Variants in PMEPA1 observed in about 807,000 individuals in gnomAD.
PMEPA1 encodes the protein protein TMEPAI.
PMEPA1 carries 11 observed loss-of-function variants against 23.0 expected under a neutral mutation model. That is an observed-to-expected ratio of 0.48 (90% CI 0.30 to 0.79). The LOEUF is 0.79. Ranked by LOEUF, PMEPA1 falls within the 30% of genes least tolerant of loss-of-function variation. The probability of loss-of-function intolerance (pLI) is 0.06; values close to 1 mark genes in which losing one functional copy is unlikely to be tolerated. For missense variants in PMEPA1, 377 were observed against 390.9 expected (o/e 0.96, Z 0.30); for synonymous variants, 204 against 166.4 (o/e 1.23, Z -1.74).
chr20:57,686,972 T>C (rs1480062081), intron 1 of PMEPA1, among the ~76,000 whole-genome samples: 1 of 152,274 alleles, frequency 6.6e-6, no homozygotes, highest in African/African-American at 2.4e-5. Context: ...ATGGGCTATG[T>C]CAGAGGACTG....
chr20:57,701,506 G>A (rs980080386), intron 1 of PMEPA1, among the ~76,000 whole-genome samples: 16 of 152,164 alleles, frequency 1.1e-4, no homozygotes, highest in African/African-American at 3.4e-4. Flanking sequence ...CAACTGGAGC[G>A]GGTGCAGGGG....
chr20:57,667,114 C>T (rs1458555393), intron 1 of PMEPA1, among the ~76,000 whole-genome samples: 1 of 152,200 alleles, frequency 6.6e-6, no homozygotes, highest in Non-Finnish European at 1.5e-5. Context: ...CCAGCTGTGT[C>T]TTTGGTGCAG....
intron 1 of PMEPA1, among the ~76,000 whole-genome samples, chr20:57,706,138 A>G (rs1341469086): frequency 6.6e-6 from 1 of 152,156 alleles, no homozygotes; most frequent in Non-Finnish European, 1.5e-5. Flanking sequence ...ATACCACCAG[A>G]GATGGGCCCA....
chr20:57,657,985 G>A (rs905859098), intron 2 of PMEPA1, among the ~76,000 whole-genome samples: 15 of 152,178 alleles, frequency 9.9e-5, no homozygotes, highest in Admixed American at 9.2e-4. Flanking sequence ...CCTGCCCCAC[G>A]TGGTTGAGTT....
At chr20:57,674,980 T>G (rs898727702) in intron 1 of PMEPA1, among the ~76,000 whole-genome samples, 1 of 152,228 alleles carries the variant, frequency 6.6e-6, no homozygotes, top group African/African-American at 2.4e-5. Flanking sequence ...CTGACCACAG[T>G]GAACGTGCAG....
chr20:57,654,792 G>A (rs1202740903), intron 2 of PMEPA1, among the ~76,000 whole-genome samples: 1 of 152,148 alleles, frequency 6.6e-6, no homozygotes, highest in African/African-American at 2.4e-5. Flanking sequence ...GTAGCAGGAG[G>A]GCTGGCGAGC....
chr20:57,683,125 G>A lies in PMEPA1; in HGVS notation c.110-23428C>T, dbSNP rs1025586912. ...CTTAAGCTCAGATCTCCCTGAGCAG[G>A]TAGAGGCTGCTCACGTTAGAGGGCA... is the stretch of plus-strand genomic sequence containing the variant. On this transcript the variant is annotated intron_variant, in intron 1 of 3. Transcript: ENST00000341744. This position sits in a 1 kb window ranked among gnomAD's most constrained non-coding sequence, Gnocchi z 4.3. Among the ~76,000 whole-genome samples the A allele has an allele frequency of 6.6e-6, 1 of 152,218 alleles. No homozygotes were observed. The highest frequency in any genetic ancestry group is 2.4e-5 in the African/African-American group (1 of 41,452).
At chr20:57,696,481 T>C (rs2071944374) in intron 1 of PMEPA1, among the ~76,000 whole-genome samples, 1 of 152,128 alleles carries the variant, frequency 6.6e-6, no homozygotes, top group Non-Finnish European at 1.5e-5. Flanking sequence ...CCCTGGCAGG[T>C]GACTTAGCTC....
chr20:57,680,567 G>A lies in PMEPA1; in HGVS notation c.110-20870C>T, dbSNP rs533057083. On this transcript the variant is annotated intron_variant, in intron 1 of 3. Transcript: ENST00000341744. ...AATCAGATGATAGTGAATATCTCAG[G>A]CACAGTGCCGGGTGCATAGTGCTTG... is the stretch of plus-strand genomic sequence containing the variant. Among the ~76,000 whole-genome samples, 7 of 152,324 alleles carry A rather than the reference G, an allele frequency of 4.6e-5. No individual in the cohort carries two copies. The East Asian group carries it at 1.3e-3, about 29-fold the overall frequency.
chr20:57,702,153 G>A (rs1001603391), intron 1 of PMEPA1, among the ~76,000 whole-genome samples: 1 of 152,204 alleles, frequency 6.6e-6, no homozygotes, highest in Non-Finnish European at 1.5e-5. Flanking sequence ...GAATTTGTCT[G>A]TGTCGTTCCC....
intron 1 of PMEPA1, among the ~76,000 whole-genome samples, chr20:57,696,587 G>A (rs1568683786): frequency 6.6e-6 from 1 of 152,218 alleles, no homozygotes. Flanking sequence ...GGAATTGCTA[G>A]GGTTCAAAAA....
intron 1 of PMEPA1, among the ~76,000 whole-genome samples, chr20:57,681,366 G>A (rs1437019793): frequency 6.6e-6 from 1 of 152,150 alleles, no homozygotes; most frequent in Non-Finnish European, 1.5e-5. Context: ...TTCCTGCCAG[G>A]GAGGGAGCCC....
At position 57,683,561 on chromosome 20, in the gene PMEPA1, G is replaced by A. The variant is rs979214455; in HGVS notation, c.110-23864C>T. 2.2e-5 allele frequency among the ~76,000 whole-genome samples: 3 copies of A among 135,426 alleles called. No individual in the cohort carries two copies. Among genetic ancestry groups the A allele is most frequent in the African/African-American group, 9.7e-5 (3 of 31,082 alleles). The allele number at this position is 135,426 out of a possible 152,430, so 88.8% of individuals were successfully genotyped here. ...GGTGTTCTGGCCTGTGTGCGTGTGT[G>A]TGTGTGTGTGTGTGTGTGTGTGTTT... On this transcript the variant is annotated intron_variant, in intron 1 of 3. Coordinates refer to ENST00000341744, the MANE Select transcript of PMEPA1 (RefSeq NM_020182.5). The surrounding 1 kb of genome is among the most constrained non-coding windows in gnomAD (Gnocchi z 4.3).
chr20:57,652,582 G>A lies in PMEPA1; in HGVS notation c.335C>T (p.Pro112Leu). Residue 112 changes from proline (P) to leucine (L), a missense_variant, in exon 4 of 4, where the codon CCG (proline) becomes CTG (leucine). By Grantham distance (98) the Pro-to-Leu change is moderately conservative. This residue lies in a region of PMEPA1 where 198 missense variants were observed against 196.3 expected (regional missense o/e 1.01). Transcript: ENST00000341744. This position sits in a 1 kb window ranked among gnomAD's most constrained non-coding sequence, Gnocchi z 6.1. ...GGCCAGGCGGTCGGTGGGCCGAGGCGGGGCGTAGACCTGCGGCTGGAGGAA... is the reference window on the plus strand; with the variant it reads ...GGCCAGGCGGTCGGTGGGCCGAGGCAGGGCGTAGACCTGCGGCTGGAGGAA... ...NGIPEPQVYAPPRPTDRLAVP... is the reference protein window; with the variant it reads ...NGIPEPQVYALPRPTDRLAVP... 3 of 1,500,500 alleles carry A rather than the reference G, an allele frequency of 2.0e-6. No homozygotes were observed. The highest frequency in any genetic ancestry group is 1.8e-6 in the Non-Finnish European group (2 of 1,125,032). The allele number at this position is 1,500,500 out of a possible 1,614,324, so 92.9% of individuals were successfully genotyped here.
intron 1 of PMEPA1, among the ~76,000 whole-genome samples, chr20:57,684,862 G>C (rs991447672): frequency 6.6e-6 from 1 of 152,090 alleles, no homozygotes; most frequent in Non-Finnish European, 1.5e-5. Flanking sequence ...AGCTGGGAGG[G>C]GGGGGTCTCT....
chr20:57,700,881 C>T (rs2072002032), intron 1 of PMEPA1, among the ~76,000 whole-genome samples: 1 of 151,906 alleles, frequency 6.6e-6, no homozygotes, highest in South Asian at 2.1e-4. Flanking sequence ...TACAAAAAAA[C>T]TAGCCAGGTG....
intron 1 of PMEPA1, among the ~76,000 whole-genome samples, chr20:57,659,953 C>T (rs921867360): frequency 1.3e-5 from 2 of 152,202 alleles, no homozygotes; most frequent in Non-Finnish European, 2.9e-5. Context: ...GGGACCCAGA[C>T]ACCCCCTCTG....
chr20:57,660,918 A>G (rs2071409738), intron 1 of PMEPA1, among the ~76,000 whole-genome samples: 1 of 152,160 alleles, frequency 6.6e-6, no homozygotes, highest in South Asian at 2.1e-4. Flanking sequence ...ACCCAAGTCA[A>G]CATCCCAACA....
chr20:57,668,804 C>T (rs1002502821), intron 1 of PMEPA1, among the ~76,000 whole-genome samples: 5 of 152,254 alleles, frequency 3.3e-5, no homozygotes. Flanking sequence ...CCTCAGGACC[C>T]TGGCACGTGC....
Sources: gnomAD v4.1 joint callset for allele counts (sites outside exome capture counted in the v4.1 genomes callset) on GRCh38, gnomAD v4.1.1 for gene constraint, gnomAD v4.1.1 regional missense constraint, Gnocchi (gnomAD v3.1) non-coding constraint, MANE v1.5 for transcripts, NCBI Gene and HGNC (gene_info 2026-07-23, HGNC 2026-07-21) for gene names.